Variants in ZZEF1 observed in about 807,000 individuals in gnomAD.
The protein encoded by ZZEF1 is zinc finger ZZ-type and EF-hand domain containing 1.
Under a neutral mutation model 342.8 loss-of-function variants are expected in ZZEF1, and 157 were observed. That is an observed-to-expected ratio of 0.46 (90% CI 0.40 to 0.52). The LOEUF (loss-of-function observed/expected upper bound fraction) is 0.52, where lower values mean the gene tolerates loss of function less well. Ranked by LOEUF, ZZEF1 falls within the 20% of genes least tolerant of loss-of-function variation. The probability of loss-of-function intolerance (pLI) is 0.00; values close to 1 mark genes in which losing one functional copy is unlikely to be tolerated. For synonymous variants in ZZEF1, 1,505 were observed against 1,429.1 expected (o/e 1.05, Z -1.20); for missense variants, 3,480 against 3,725.6 (o/e 0.93, Z 1.72).
rs771215770 is a variant in ZZEF1, at chr17:4,142,776, C to G, written c.120G>C (p.Ala40=). ...VSGTTPGPGV[A]APALPPAAAL... is the part of the protein sequence containing the mutation. ...CCGCGGCGGGTGGTAGCGCTGGAGCCGCGACGCCCGGGCCGGGGGTCGTGC... is the reference window on the plus strand; with the variant it reads ...CCGCGGCGGGTGGTAGCGCTGGAGCGGCGACGCCCGGGCCGGGGGTCGTGC... The change falls in exon 1 of 55, where the codon GCG becomes GCC. Residue 40 remains alanine (A), a synonymous_variant. Transcript: ENST00000381638. The G allele has an allele frequency of 2.1e-6, 3 of 1,428,774 alleles. No individual in the cohort carries two copies. Among genetic ancestry groups the G allele is most frequent in the East Asian group, 5.9e-5 (2 of 34,024 alleles). The allele number at this position is 1,428,774 out of a possible 1,614,324, so 88.5% of individuals were successfully genotyped here.
rs1228044552 is a variant in ZZEF1, at chr17:4,016,193, T to C, written c.8145+130A>G. 9.6e-6 allele frequency: 11 copies of C among 1,145,418 alleles called. No homozygotes were observed. Among genetic ancestry groups the C allele is most frequent in the Non-Finnish European group, 1.4e-5 (11 of 811,448 alleles). 71.0% of individuals were successfully genotyped at this position (1,145,418 alleles called of 1,614,324 possible). ...CAGTTTGTTCAAGGAAGCACTTTCC[T>C]GGACAGGTCTCTGCTGTCCAGCGGG... is the stretch of plus-strand genomic sequence containing the variant. On this transcript the variant is annotated intron_variant, in intron 49 of 54. Transcript: ENST00000381638. The surrounding 1 kb of genome is among the most constrained non-coding windows in gnomAD (Gnocchi z 4.4).
intron 2 of ZZEF1, among the ~76,000 whole-genome samples, chr17:4,119,009 A>G (rs918504823): frequency 6.6e-6 from 1 of 152,242 alleles, no homozygotes; most frequent in Admixed American, 6.5e-5. Context: ...GTGAAGCTGA[A>G]GAGTTGATGT....
chr17:4,054,982 T>G (rs1024516090), intron 33 of ZZEF1, among the ~76,000 whole-genome samples: 1 of 152,110 alleles, frequency 6.6e-6, no homozygotes, highest in African/African-American at 2.4e-5. Context: ...AGAAAGTTTC[T>G]GGCTTGGGTA....
At chr17:4,097,068 T>C (rs1452259840) in intron 9 of ZZEF1, among the ~76,000 whole-genome samples, 1 of 151,974 alleles carries the variant, frequency 6.6e-6, no homozygotes, top group Non-Finnish European at 1.5e-5. Flanking sequence ...GAGACCATCC[T>C]GGCTAACACG....
intron 1 of ZZEF1, among the ~76,000 whole-genome samples, chr17:4,132,192 A>C (rs987339808): frequency 8.8e-5 from 12 of 136,840 alleles, no homozygotes; most frequent in African/African-American, 2.6e-4. Context: ...ATAAAAGCCT[A>C]AATTTTCTCT....
chr17:4,142,863 G>T lies in ZZEF1; in HGVS notation c.33C>A (p.Asp11Glu). The T allele has an allele frequency of 7.2e-7, 1 of 1,393,076 alleles. No homozygotes were observed. Among genetic ancestry groups the T allele is most frequent in the Non-Finnish European group, 9.2e-7 (1 of 1,082,750 alleles). The allele number at this position is 1,393,076 out of a possible 1,614,324, so 86.3% of individuals were successfully genotyped here. ...CCTCGCCACCGGCAGCTGCCGCTTC[G>T]TCTTCACTGCTGTGACTCGGAGCGT... is the stretch of plus-strand genomic sequence containing the variant. Reference protein sequence around the residue: MGNAPSHSSEDEAAAAGGEGW... With the variant: MGNAPSHSSEEEAAAAGGEGW... The change falls in exon 1 of 55, where the codon GAC becomes GAA. Residue 11 changes from aspartate to glutamate, a missense_variant. Transcript: ENST00000381638.
chr17:4,064,610 CCAG>C lies in ZZEF1; in HGVS notation c.4466_4468del (p.Pro1489_Gly1490delinsArg). The C allele has an allele frequency of 1.2e-6, 2 of 1,614,098 alleles. No homozygotes were observed. The highest frequency in any genetic ancestry group is 1.7e-6 in the Non-Finnish European group (2 of 1,180,006). ...TGGCAGCTTTGGCTGGGTGCCCAGG[CCAG>C]GACTCTGGTCTCCTGTGGCAGGGGG... On this transcript the variant is annotated inframe_deletion, in exon 29 of 55. Transcript: ENST00000381638.
chr17:4,024,687 TGAA>T (rs893501162), intron 43 of ZZEF1, among the ~76,000 whole-genome samples: 2 of 152,182 alleles, frequency 1.3e-5, no homozygotes, highest in Non-Finnish European at 2.9e-5. Context: ...TGTGTTCCCA[TGAA>T]GTAGTAGTAT....
At chr17:4,128,345 T>TTA (rs767048526) in intron 1 of ZZEF1, among the ~76,000 whole-genome samples, 2 of 81,552 alleles carry the variant, frequency 2.5e-5, no homozygotes, top group African/African-American at 1.0e-4. Flanking sequence ...CAGACTGTCT[T>TTA]AAAAAAAAAA....
rs2144901961 is a variant in ZZEF1, at chr17:4,005,789, C to T, written c.*1101G>A. On this transcript the variant is annotated 3_prime_UTR_variant, in exon 55 of 55. Coordinates refer to ENST00000381638, the MANE Select transcript of ZZEF1 (RefSeq NM_015113.4). ...AAAGGCATGCTCCAACCCCACGGGT[C>T]CCACTAAGGCCGGCACGCAGCCCAC... The T allele has an allele frequency of 6.6e-6, 1 of 152,428 alleles. No homozygotes were observed. Among genetic ancestry groups the T allele is most frequent in the South Asian group, 2.1e-4 (1 of 4,824 alleles). 9.4% of individuals were successfully genotyped at this position (152,428 alleles called of 1,614,324 possible).
intron 2 of ZZEF1, among the ~76,000 whole-genome samples, chr17:4,122,339 G>A (rs533043250): frequency 1.3e-5 from 2 of 150,842 alleles, no homozygotes; most frequent in South Asian, 2.1e-4. Context: ...GTAAGTCTGA[G>A]CTCCCCCCCA....
chr17:4,075,265 T>G lies in ZZEF1; in HGVS notation c.3399A>C (p.Lys1133Asn), dbSNP rs1421766715. 6.2e-7 allele frequency: 1 copy of G among 1,614,118 alleles called. No homozygotes were observed. Among genetic ancestry groups the G allele is most frequent in the Admixed American group, 1.7e-5 (1 of 60,010 alleles). Reference sequence around the variant, plus strand: ...GTGAAAGAATATAGAAGTCTTACCTTTTTTCAGTTTCACACCTGTCATCGA... The same window carrying G: ...GTGAAAGAATATAGAAGTCTTACCTGTTTTCAGTTTCACACCTGTCATCGA... ...VEFDDRCETE[K>N]RYDYLEFTDA... The change falls in exon 22 of 55, where the codon AAA becomes AAC. Residue 1133 changes from lysine (K) to asparagine (N), a missense_variant and splice_region_variant. By Grantham distance (94) the Lys-to-Asn change is moderately conservative. Coordinates refer to ENST00000381638, the MANE Select transcript of ZZEF1 (RefSeq NM_015113.4).
At chr17:4,039,606 A>T (rs2056754063) in intron 39 of ZZEF1, among the ~76,000 whole-genome samples, 1 of 152,064 alleles carries the variant, frequency 6.6e-6, no homozygotes, top group Non-Finnish European at 1.5e-5. Flanking sequence ...TAATCAGAAA[A>T]GCAAATGATG....
intron 34 of ZZEF1, 87 bp from the exon 35 acceptor site, chr17:4,052,223 G>C: frequency 7.4e-7 from 1 of 1,344,926 alleles, no homozygotes; most frequent in East Asian, 2.6e-5. Context: ...CCCAGCACCA[G>C]GGCCGTTCCC....
At chr17:4,082,600 C>A in intron 16 of ZZEF1, 96 bp from the exon 17 acceptor site, 1 of 1,172,544 alleles carries the variant, frequency 8.5e-7, no homozygotes, top group South Asian at 1.3e-5. Context: ...CCACTGTTCT[C>A]AAGTATGAGG....
At chr17:4,018,369 C>T (rs781394852) in intron 46 of ZZEF1, among the ~76,000 whole-genome samples, 3 of 152,156 alleles carry the variant, frequency 2.0e-5, no homozygotes, top group Non-Finnish European at 2.9e-5. Context: ...CCTGCCTCAG[C>T]CTCCCTAGTA....
At chr17:4,129,385 C>A (rs1057111605) in intron 1 of ZZEF1, among the ~76,000 whole-genome samples, 1 of 152,152 alleles carries the variant, frequency 6.6e-6, no homozygotes, top group African/African-American at 2.4e-5. Context: ...TGGGTATATA[C>A]CCAGAGGAAG....
At chr17:4,139,333 T>C (rs1174626127) in intron 1 of ZZEF1, among the ~76,000 whole-genome samples, 1 of 152,218 alleles carries the variant, frequency 6.6e-6, no homozygotes, top group East Asian at 1.9e-4. Flanking sequence ...AGAAGAAACA[T>C]GTAACACTTG....
chr17:4,122,882 T>G (rs1274611464), intron 2 of ZZEF1, among the ~76,000 whole-genome samples: 1 of 151,070 alleles, frequency 6.6e-6, no homozygotes, highest in Non-Finnish European at 1.5e-5. Flanking sequence ...ATTGTTATAA[T>G]CATTCTATTT....
Sources: allele counts gnomAD v4.1 joint callset (sites outside exome capture counted in the v4.1 genomes callset), GRCh38; gene constraint gnomAD v4.1.1; non-coding constraint Gnocchi (gnomAD v3.1); transcripts MANE v1.5; gene names NCBI Gene and HGNC (gene_info 2026-07-23, HGNC 2026-07-21).